The following TRPS1 variants were observed in gnomAD, a reference collection of about 807,000 sequenced individuals.
TRPS1 encodes the protein transcriptional repressor GATA binding 1, also known as zinc finger transcription factor Trps1.
A neutral mutation model predicts 101.2 loss-of-function variants in TRPS1; 6 were observed. That is an observed-to-expected ratio of 0.06 (90% CI 0.03 to 0.12). TRPS1 has a LOEUF of 0.12. Among genes scored for constraint, TRPS1 ranks in the 10% least tolerant of loss-of-function variants. The pLI, the probability that TRPS1 is intolerant of heterozygous loss-of-function variation, is 1.00. For missense variants in TRPS1, 1,363 were observed against 1,567.0 expected (o/e 0.87, Z 2.20); for synonymous variants, 578 against 589.8 (o/e 0.98, Z 0.29).
chr8:115,598,746 A>G (rs1164552459), intron 4 of TRPS1, among the ~76,000 whole-genome samples: 1 of 152,190 alleles, frequency 6.6e-6, no homozygotes, highest in Non-Finnish European at 1.5e-5. Context: ...CAGAAAATAC[A>G]AGGTTGACTA....
In TRPS1 at chr8:115,572,155, T is replaced by C. The variant is rs1412018603; in HGVS notation, c.2700+14846A>G. Among the ~76,000 whole-genome samples, 4 of 152,132 alleles carry C rather than the reference T, an allele frequency of 2.6e-5. 1 individual carries two copies. In the South Asian group the frequency reaches 8.3e-4, roughly 32 times the overall value. The stretch of plus-strand genomic sequence containing the variant: ...TGTGGTGTTTCTGAATCCTATCAAT[T>C]ACGAAAAGACTTTGACATACCCAGA... On this transcript the variant is annotated intron_variant, in intron 5 of 6. Transcript: ENST00000395715.
intron 3 of TRPS1, among the ~76,000 whole-genome samples, chr8:115,610,677 T>C (rs1340974712): frequency 1.3e-5 from 2 of 152,238 alleles, no homozygotes; most frequent in Admixed American, 1.3e-4. Flanking sequence ...TTCCTCATTA[T>C]GCAGATTTTT....
chr8:115,544,256 C>T (rs1816520833), intron 5 of TRPS1, among the ~76,000 whole-genome samples: 1 of 151,076 alleles, frequency 6.6e-6, no homozygotes, highest in South Asian at 2.1e-4. Flanking sequence ...CTTCAGGCCT[C>T]ATTTGCCTTA....
chr8:115,638,207 C>G (rs1168569497), intron 1 of TRPS1, among the ~76,000 whole-genome samples: 1 of 152,150 alleles, frequency 6.6e-6, no homozygotes, highest in Non-Finnish European at 1.5e-5. Context: ...AAAGGTTAAT[C>G]TAAAATTCCA....
At chr8:115,641,812 G>A (rs557307431) in intron 1 of TRPS1, among the ~76,000 whole-genome samples, 2 of 152,188 alleles carry the variant, frequency 1.3e-5, no homozygotes, top group Admixed American at 6.5e-5. Flanking sequence ...CCTGGGAGGC[G>A]GAGGTTGCAA....
chr8:115,629,692 G>T (rs950738118), intron 1 of TRPS1, among the ~76,000 whole-genome samples: 3 of 151,780 alleles, frequency 2.0e-5, no homozygotes, highest in African/African-American at 7.3e-5. Context: ...ATGGAATGTG[G>T]AAAGACCCAG....
intron 1 of TRPS1, among the ~76,000 whole-genome samples, chr8:115,647,700 T>C (rs1811449528): frequency 6.6e-6 from 1 of 152,218 alleles, no homozygotes; most frequent in Non-Finnish European, 1.5e-5. Flanking sequence ...ATGACTAACT[T>C]AAAGACTAAT....
Position 115,604,792 on chromosome 8 carries a change from T to C in TRPS1, c.1177A>G (p.Asn393Asp), listed in dbSNP as rs752446879. The C allele has an allele frequency of 6.2e-7, 1 of 1,614,010 alleles. No homozygotes were observed. ...GATTGAAGTGCAGGGATGGACTTGT[T>C]AGAGTTTTTCTCTGAAGGTTTTGCA... Reference protein sequence around the residue: ...EVAKPSEKNSNKSIPALQSSD... With the variant: ...EVAKPSEKNSDKSIPALQSSD... Residue 393 changes from asparagine (N) to aspartate (D), a missense_variant, in exon 4 of 7, where the codon AAC becomes GAC. By Grantham distance (23) the Asn-to-Asp change is conservative. Coordinates refer to ENST00000395715, the MANE Select transcript of TRPS1 (RefSeq NM_014112.5). This position sits in a 1 kb window ranked among gnomAD's most constrained non-coding sequence, Gnocchi z 4.1.
intron 5 of TRPS1, among the ~76,000 whole-genome samples, chr8:115,436,185 C>T (rs1370212287): frequency 6.6e-6 from 1 of 152,094 alleles, no homozygotes; most frequent in East Asian, 1.9e-4. Context: ...AGGAAATCTT[C>T]TGACTCATGC....
chr8:115,661,022 T>A (rs1193037863), intron 1 of TRPS1, among the ~76,000 whole-genome samples: 2 of 152,024 alleles, frequency 1.3e-5, no homozygotes, highest in African/African-American at 4.8e-5. Context: ...GATAGAATTG[T>A]AAACTATAAA....
At chr8:115,628,293 G>A (rs1409956946) in intron 1 of TRPS1, among the ~76,000 whole-genome samples, 19 of 151,752 alleles carry the variant, frequency 1.3e-4, no homozygotes, top group Non-Finnish European at 1.5e-5. Context: ...ACATTACAAT[G>A]AACCAGCTAA....
chr8:115,433,943 G>A (rs1813385396), intron 5 of TRPS1, among the ~76,000 whole-genome samples: 1 of 151,054 alleles, frequency 6.6e-6, no homozygotes, highest in Non-Finnish European at 1.5e-5. Context: ...TGTCTATTTT[G>A]CTCAGGGCAG....
chr8:115,438,241 C>T (rs541659301), intron 5 of TRPS1, among the ~76,000 whole-genome samples: 6 of 152,312 alleles, frequency 3.9e-5, no homozygotes, highest in African/African-American at 1.4e-4. Context: ...TTCTTTCATT[C>T]ATTTTAAATG....
intron 1 of TRPS1, among the ~76,000 whole-genome samples, chr8:115,663,364 G>A (rs542947502): frequency 1.9e-4 from 29 of 151,306 alleles, no homozygotes; most frequent in African/African-American, 6.5e-4. Flanking sequence ...TTGGCATTAC[G>A]TCAGTTGGTT....
rs114544786 is a variant in TRPS1 at position 115,625,945 on chromosome 8, T to A, written c.-121-2187A>T. Among the ~76,000 whole-genome samples the A allele has an allele frequency of 1.0e-2, 1,513 of 151,982 alleles. 19 individuals are homozygous for A. Among genetic ancestry groups the A allele is most frequent in the African/African-American group, 0.034 (1,399 of 41,556 alleles). On this transcript the variant is annotated intron_variant, in intron 1 of 6. Coordinates refer to ENST00000395715, the MANE Select transcript of TRPS1 (RefSeq NM_014112.5). ...TTTCCAGCTTATAAAACTTTTCAACTGTTTGAAATCAAAGCTTAACACAAA... is the reference window on the plus strand; with the variant it reads ...TTTCCAGCTTATAAAACTTTTCAACAGTTTGAAATCAAAGCTTAACACAAA...
chr8:115,642,839 C>T (rs925504989), intron 1 of TRPS1, among the ~76,000 whole-genome samples: 2 of 98,100 alleles, frequency 2.0e-5, no homozygotes, highest in African/African-American at 8.3e-5. Context: ...ATGCTTACTT[C>T]GTGAAAAAAA....
At chr8:115,622,722 C>T (rs1487637459) in intron 2 of TRPS1, among the ~76,000 whole-genome samples, 1 of 151,986 alleles carries the variant, frequency 6.6e-6, no homozygotes, top group African/African-American at 2.4e-5. Flanking sequence ...TAAGGTTACA[C>T]ACACAAAAAA....
At chr8:115,623,817 G>GT (rs1818448888) in intron 1 of TRPS1, 59 bp from the exon 2 acceptor site, 1 of 1,376,310 alleles carries the variant, frequency 7.3e-7, no homozygotes, top group African/African-American at 1.5e-5. Context: ...ATATTTTCAT[G>GT]TATCACACCT....
In TRPS1 at chr8:115,413,880, G is replaced by C. The variant is rs543179170; in HGVS notation, c.*143C>G. The stretch of plus-strand genomic sequence containing the variant: ...TTGGTAACCTACTCATCAAAAGAAA[G>C]AATAACAAAAGAAGGGAATTTCATG... On this transcript the variant is annotated 3_prime_UTR_variant, in exon 7 of 7. Transcript: ENST00000395715. The C allele has an allele frequency of 1.5e-4, 119 of 802,062 alleles. 1 individual carries two copies. Among genetic ancestry groups the C allele is most frequent in the Middle Eastern group, 3.7e-4 (1 of 2,710 alleles). The allele number at this position is 802,062 out of a possible 1,614,324, so 49.7% of individuals were successfully genotyped here. A position where few individuals can be genotyped will look rare whatever the true frequency, so the allele number is the denominator to read the frequency against.
Sources: gnomAD v4.1 joint callset for allele counts (sites outside exome capture counted in the v4.1 genomes callset) on GRCh38, gnomAD v4.1.1 for gene constraint, Gnocchi (gnomAD v3.1) non-coding constraint, MANE v1.5 for transcripts, NCBI Gene and HGNC (gene_info 2026-07-23, HGNC 2026-07-21) for gene names.